Variants in ITGA11 observed in about 807,000 individuals in gnomAD.
ITGA11 encodes the protein integrin alpha-11.
In ITGA11, 97 loss-of-function variants were observed where a neutral mutation model predicts 141.9. The ratio of observed to expected loss-of-function variants is 0.68; its 90% CI spans 0.58 to 0.81. The LOEUF (loss-of-function observed/expected upper bound fraction) is 0.81. Ranked by LOEUF, ITGA11 falls within the 30% of genes least tolerant of loss-of-function variation. ITGA11 has a pLI of 0.00. For missense variants in ITGA11, 1,387 were observed against 1,559.2 expected (o/e 0.89, Z 1.86); for synonymous variants, 658 against 624.6 (o/e 1.05, Z -0.80).
intron 3 of ITGA11, among the ~76,000 whole-genome samples, chr15:68,367,706 T>A (rs2415007): frequency 1.3e-5 from 2 of 152,044 alleles, no homozygotes; most frequent in South Asian, 2.1e-4. Context: ...TTTGGTACAC[T>A]CTAGGTGCGC....
intron 2 of ITGA11, among the ~76,000 whole-genome samples, chr15:68,399,862 C>G (rs1896423846): frequency 6.6e-6 from 1 of 152,066 alleles, no homozygotes; most frequent in African/African-American, 2.4e-5. Context: ...AGCTCACTAC[C>G]TGGGTGACGG....
chr15:68,399,395 T>C (rs1247384105), intron 2 of ITGA11, among the ~76,000 whole-genome samples: 1 of 152,020 alleles, frequency 6.6e-6, no homozygotes, highest in South Asian at 2.1e-4. Context: ...AGTTCAGAGT[T>C]TGGAGATTTC....
At position 68,358,545 on chromosome 15, in the gene ITGA11, G is replaced by A; in HGVS notation, c.513C>T (p.Gly171=). Residue 171 remains glycine (G), a synonymous_variant, in exon 6 of 30, where the codon GGC becomes GGT. Transcript: ENST00000315757. ...TYMDIVIVLD[G]SNSIYPWVEV... is the part of the protein sequence containing the mutation. ...CCACCCAGGGGTAGATGCTGTTGGA[G>A]CCATCCAGGACAATGACGATGTCCA... The A allele has an allele frequency of 6.2e-7, 1 of 1,614,136 alleles. No individual in the cohort carries two copies. Among genetic ancestry groups the A allele is most frequent in the South Asian group, 1.1e-5 (1 of 91,064 alleles).
At chr15:68,351,976 G>A (rs1215350434) in intron 7 of ITGA11, among the ~76,000 whole-genome samples, 8 of 151,838 alleles carry the variant, frequency 5.3e-5, no homozygotes, top group African/African-American at 1.9e-4. Context: ...CCAACTACTC[G>A]GGAGGCTGAG....
At chr15:68,400,587 TTATATATTA>T in intron 2 of ITGA11, among the ~76,000 whole-genome samples, 1 of 102,212 alleles carries the variant, frequency 9.8e-6, no homozygotes, top group Non-Finnish European at 1.9e-5. Flanking sequence ...TATATATATT[TTATATATTA>T]TATATTATAA....
chr15:68,364,653 C>G, intron 4 of ITGA11, 54 bp downstream of exon 4: 3 of 886,702 alleles, frequency 3.4e-6, no homozygotes, highest in Non-Finnish European at 5.6e-6. Context: ...CTCCACCCCT[C>G]CCCACCCCCA....
At position 68,350,608 on chromosome 15, in the gene ITGA11, A is replaced by T; in HGVS notation, c.1060+9T>A. On this transcript the variant is annotated intron_variant, in intron 9 of 29. Coordinates refer to ENST00000315757, the MANE Select transcript of ITGA11 (RefSeq NM_001004439.2). ...GAGAGTGGATCCCCTCTTAGCATGC[A>T]TTGCTTACCTTCCAGGCTGAAGATT... The T allele has an allele frequency of 6.2e-7, 1 of 1,611,418 alleles. No individual in the cohort carries two copies. The highest frequency in any genetic ancestry group is 8.5e-7 in the Non-Finnish European group (1 of 1,178,440).
chr15:68,332,037 A>C lies in ITGA11; in HGVS notation c.1592T>G (p.Leu531Arg), dbSNP rs751106549. ...ATTCTGGTAACTGTGTGAATCCTTTAGCGTTCCGTTATAAACAAACAGGTT... is the reference window on the plus strand; with the variant it reads ...ATTCTGGTAACTGTGTGAATCCTTTCGCGTTCCGTTATAAACAAACAGGTT... ...RQNLFVYNGTLKDSHSYQNAR... is the reference protein window; with the variant it reads ...RQNLFVYNGTRKDSHSYQNAR... The change falls in exon 14 of 30, where the codon CTA (leucine) becomes CGA (arginine). Residue 531 changes from leucine to arginine, a missense_variant. Leu to Arg is a moderately radical substitution (Grantham distance 102). Transcript: ENST00000315757. 6.2e-7 allele frequency: 1 copy of C among 1,607,712 alleles called. No individual in the cohort carries two copies. The highest frequency in any genetic ancestry group is 2.2e-5 in the East Asian group (1 of 44,682).
chr15:68,316,778 T>C (rs973428370), intron 21 of ITGA11, among the ~76,000 whole-genome samples: 5 of 152,342 alleles, frequency 3.3e-5, no homozygotes, highest in Admixed American at 1.3e-4. Context: ...TGCCCAGGGC[T>C]GATGTCCAAA....
At chr15:68,311,256 C>T (rs1893372041) in intron 25 of ITGA11, 34 bp downstream of exon 25, 2 of 1,458,314 alleles carry the variant, frequency 1.4e-6, no homozygotes, top group East Asian at 4.9e-5. Context: ...CCTTCTGGTC[C>T]CCTCCCCTAG....
At chr15:68,400,269 T>C (rs1896434547) in intron 2 of ITGA11, among the ~76,000 whole-genome samples, 1 of 151,682 alleles carries the variant, frequency 6.6e-6, no homozygotes, top group Non-Finnish European at 1.5e-5. Context: ...AAACATTAAC[T>C]TGGGATGAAT....
At chr15:68,357,011 G>A (rs1008783610) in intron 7 of ITGA11, 140 bp downstream of exon 7, 62 of 806,168 alleles carry the variant, frequency 7.7e-5, no homozygotes, top group Non-Finnish European at 8.9e-5. Context: ...GCTGAGCCCA[G>A]TCAAACTCCA....
intron 10 of ITGA11, among the ~76,000 whole-genome samples, chr15:68,342,122 C>G (rs1461444517): frequency 1.3e-5 from 2 of 152,184 alleles, no homozygotes; most frequent in Non-Finnish European, 2.9e-5. Context: ...GAAGCCCAGA[C>G]ATTTTGAGTT....
In ITGA11 at chr15:68,325,198, T is replaced by C. The variant is rs1214050865; in HGVS notation, c.2255A>G (p.Tyr752Cys). The C allele has an allele frequency of 6.2e-7, 1 of 1,613,922 alleles. No individual in the cohort carries two copies. Among genetic ancestry groups the C allele is most frequent in the African/African-American group, 1.3e-5 (1 of 75,032 alleles). The change falls in exon 18 of 30, where the codon TAT (tyrosine) becomes TGT (cysteine). Residue 752 changes from tyrosine to cysteine, a missense_variant. Tyr to Cys is a radical substitution (Grantham distance 194). Coordinates refer to ENST00000315757, the MANE Select transcript of ITGA11 (RefSeq NM_001004439.2). The surrounding 1 kb of genome is among the most constrained non-coding windows in gnomAD (Gnocchi z 5.5). ...YVKPVTFSVE[Y>C]SLEDPDHGPM... ...GCCATGGTCAGGGTCCTCCAGGGAATACTCGACTGAGAAGGTCACTGGCTT... is the reference window on the plus strand; with the variant it reads ...GCCATGGTCAGGGTCCTCCAGGGAACACTCGACTGAGAAGGTCACTGGCTT...
At position 68,321,297 on chromosome 15, in the gene ITGA11, T is replaced by A; in HGVS notation, c.2408+121A>T. ...GCTAGAACGCAGGCTCCAAGTGCAA[T>A]GTTTGATCCATGCTGCCTGTGAGGA... is the stretch of plus-strand genomic sequence containing the variant. On this transcript the variant is annotated intron_variant, in intron 19 of 29. Coordinates refer to ENST00000315757, the MANE Select transcript of ITGA11 (RefSeq NM_001004439.2). The surrounding 1 kb of genome is among the most constrained non-coding windows in gnomAD (Gnocchi z 4.9). 2 of 536,864 alleles carry A rather than the reference T, an allele frequency of 3.7e-6. No homozygotes were observed. The highest frequency in any genetic ancestry group is 6.4e-6 in the Non-Finnish European group (2 of 310,474). 33.3% of individuals were successfully genotyped at this position (536,864 alleles called of 1,614,324 possible). A position where few individuals can be genotyped will look rare whatever the true frequency, so the allele number is the denominator to read the frequency against.
chr15:68,335,601 C>T lies in ITGA11; in HGVS notation c.1425+96G>A. 1 of 1,403,708 alleles carries T rather than the reference C, an allele frequency of 7.1e-7. No homozygotes were observed. The highest frequency in any genetic ancestry group is 9.8e-7 in the Non-Finnish European group (1 of 1,019,528). The allele number at this position is 1,403,708 out of a possible 1,614,324, so 87.0% of individuals were successfully genotyped here. On this transcript the variant is annotated intron_variant, in intron 12 of 29. Transcript: ENST00000315757. This position sits in a 1 kb window ranked among gnomAD's most constrained non-coding sequence, Gnocchi z 4.9. ...AGGAACATGACTGCCCTTTGGGGCACCCAGTGGTCCAGGCATGCCTGTATT... is the reference window on the plus strand; with the variant it reads ...AGGAACATGACTGCCCTTTGGGGCATCCAGTGGTCCAGGCATGCCTGTATT...
rs1207531844 is a variant in ITGA11, at chr15:68,321,924, A to T, written c.2323-421T>A. 2.6e-5 allele frequency among the ~76,000 whole-genome samples: 4 copies of T among 152,230 alleles called. No individual in the cohort carries two copies. The highest frequency in any genetic ancestry group is 5.9e-5 in the Non-Finnish European group (4 of 68,048). On this transcript the variant is annotated intron_variant, in intron 18 of 29. Transcript: ENST00000315757. This position sits in a 1 kb window ranked among gnomAD's most constrained non-coding sequence, Gnocchi z 4.9. ...GTGTAAAATGTGCAAAAAAACCGAA[A>T]AGAAATGTGCATGAGGAATAGAAGA...
intron 3 of ITGA11, 36 bp downstream of exon 3, chr15:68,369,148 T>G (rs746398677): frequency 1.4e-6 from 2 of 1,475,130 alleles, no homozygotes; most frequent in Admixed American, 1.7e-5. Context: ...AGACAACCGC[T>G]GGCCTCATTG....
chr15:68,383,824 G>C (rs1213459212), intron 2 of ITGA11, among the ~76,000 whole-genome samples: 2 of 152,172 alleles, frequency 1.3e-5, no homozygotes, highest in African/African-American at 4.8e-5. Context: ...TGGCATCGCA[G>C]AACAAATGGT....
Sources: gnomAD v4.1 joint callset for allele counts (sites outside exome capture counted in the v4.1 genomes callset) on GRCh38, gnomAD v4.1.1 for gene constraint, Gnocchi (gnomAD v3.1) non-coding constraint, MANE v1.5 for transcripts, NCBI Gene and HGNC (gene_info 2026-07-23, HGNC 2026-07-21) for gene names.